The following CCDC187 variants were observed in gnomAD, a reference collection of about 807,000 sequenced individuals.
CCDC187 encodes coiled-coil domain containing 187.
Under a neutral mutation model 38.0 loss-of-function variants are expected in CCDC187, and 32 were observed. The ratio of observed to expected loss-of-function variants is 0.84; its 90% CI spans 0.64 to 1.13. The LOEUF (loss-of-function observed/expected upper bound fraction) is 1.13, where lower values mean the gene tolerates loss of function less well. Among genes scored for constraint, CCDC187 ranks in the 50% most tolerant of loss-of-function variants. The probability of loss-of-function intolerance (pLI) is 0.00; values close to 1 mark genes in which losing one functional copy is unlikely to be tolerated. For synonymous variants in CCDC187, 333 were observed against 347.9 expected (o/e 0.96, Z 0.48); for missense variants, 707 against 786.8 (o/e 0.90, Z 1.21).
intron 3 of CCDC187, among the ~76,000 whole-genome samples, chr9:136,298,362 C>T (rs1249258714): frequency 4.6e-5 from 7 of 152,140 alleles, no homozygotes; most frequent in African/African-American, 1.4e-4. Flanking sequence ...ACCCCTCTGC[C>T]GATGGGGAGG....
In CCDC187 at chr9:136,254,709, G is replaced by A. The variant is rs1265462774; in HGVS notation, c.5119C>T (p.Pro1707Ser). The A allele has an allele frequency of 1.0e-6, 1 of 985,440 alleles. No homozygotes were observed. Among genetic ancestry groups the A allele is most frequent in the Non-Finnish European group, 1.2e-6 (1 of 830,006 alleles). 61.0% of individuals were successfully genotyped at this position (985,440 alleles called of 1,614,324 possible). ...AGGGGGCCGGCCCTGCGGCCCTGGG[G>A]CCTCTGCCAGGTCACCCATCCTCCA... ...GGGGWVTWQR[P>S]QGRRAGPLRG... Residue 1707 changes from proline (P) to serine (S), a missense_variant, in exon 26 of 26, where the codon CCC becomes TCC. Transcript: ENST00000638797.
At chr9:136,278,557 G>A (rs1830977068) in intron 10 of CCDC187, among the ~76,000 whole-genome samples, 1 of 152,236 alleles carries the variant, frequency 6.6e-6, no homozygotes, top group Admixed American at 6.5e-5. Context: ...CCTGGTAGCT[G>A]TGAGGATGCA....
Position 136,297,822 on chromosome 9 carries a change from C to CT in CCDC187, c.725-2dup, listed in dbSNP as rs1831573166. ...ACCCTTTTGGGTTTTTCCCTCAGAA[C>CT]TTCAGTGAGGAAGAGAAAGGAAGGG... On this transcript the variant is annotated splice_acceptor_variant, in intron 3 of 25. Coordinates refer to ENST00000638797, the MANE Select transcript of CCDC187 (RefSeq NM_001378188.1). LOFTEE classifies it high-confidence loss of function. 3.0e-6 allele frequency: 1 copy of CT among 338,904 alleles called. No individual in the cohort carries two copies. Among genetic ancestry groups the CT allele is most frequent in the Non-Finnish European group, 5.3e-6 (1 of 188,000 alleles). The allele number at this position is 338,904 out of a possible 1,614,324, so 21.0% of individuals were successfully genotyped here. A position where few individuals can be genotyped will look rare whatever the true frequency, so the allele number is the denominator to read the frequency against.
chr9:136,301,977 C>T (rs1319450694), intron 2 of CCDC187, among the ~76,000 whole-genome samples: 3 of 151,804 alleles, frequency 2.0e-5, no homozygotes, highest in African/African-American at 4.8e-5. Flanking sequence ...TTTGGGAGGC[C>T]GAGGTGGGCG....
rs1473673219 is a variant in CCDC187 at position 136,258,058 on chromosome 9, C to T, written c.4366+874G>A. 4.6e-5 allele frequency among the ~76,000 whole-genome samples: 7 copies of T among 152,104 alleles called. No homozygotes were observed. Among genetic ancestry groups the T allele is most frequent in the Admixed American group, 3.3e-4 (5 of 15,274 alleles). On this transcript the variant is annotated intron_variant, in intron 22 of 25. Coordinates refer to ENST00000638797, the MANE Select transcript of CCDC187 (RefSeq NM_001378188.1). This position sits in a 1 kb window ranked among gnomAD's most constrained non-coding sequence, Gnocchi z 4.3. Reference sequence around the variant, plus strand: ...ACAGCTGGTACACGTGGCCATGCGGCGAGGGAGGCTTCAGGCTGAGCAAGC... The same window carrying T: ...ACAGCTGGTACACGTGGCCATGCGGTGAGGGAGGCTTCAGGCTGAGCAAGC...
chr9:136,289,906 G>C lies in CCDC187; in HGVS notation c.2222+53C>G, dbSNP rs940211044. ...CAGAACGCACCCAGAACTGTTCTTGGCCCCCCCCAAGGCCCCGCCCGGCAT... is the reference window on the plus strand; with the variant it reads ...CAGAACGCACCCAGAACTGTTCTTGCCCCCCCCCAAGGCCCCGCCCGGCAT... On this transcript the variant is annotated intron_variant, in intron 7 of 25. Coordinates refer to ENST00000638797, the MANE Select transcript of CCDC187 (RefSeq NM_001378188.1). 978 of 353,832 alleles carry C rather than the reference G, an allele frequency of 2.8e-3. 13 individuals are homozygous for C. The South Asian group carries it at 0.028, about 10-fold the overall frequency. 21.9% of individuals were successfully genotyped at this position (353,832 alleles called of 1,614,324 possible). A position where few individuals can be genotyped will look rare whatever the true frequency, so the allele number is the denominator to read the frequency against.
intron 1 of CCDC187, 41 bp from the exon 2 acceptor site, chr9:136,303,334 G>T (rs1002460802): frequency 1.0e-5 from 4 of 396,116 alleles, no homozygotes; most frequent in Non-Finnish European, 8.9e-6. Flanking sequence ...ACATGCAGGC[G>T]CAGAGGTGCC....
In CCDC187 at chr9:136,300,264, C is replaced by T. The variant is rs1328046054; in HGVS notation, c.680G>A (p.Gly227Asp). The T allele has an allele frequency of 1.5e-5, 6 of 398,540 alleles. No homozygotes were observed. The highest frequency in any genetic ancestry group is 2.7e-5 in the Non-Finnish European group (6 of 226,072). 24.7% of individuals were successfully genotyped at this position (398,540 alleles called of 1,614,324 possible). Residue 227 changes from glycine (G) to aspartate (D), a missense_variant, in exon 3 of 26, where the codon GGC (glycine) becomes GAC (aspartate). Coordinates refer to ENST00000638797, the MANE Select transcript of CCDC187 (RefSeq NM_001378188.1). ...GACCCTGGAGAGCTCGCGCCCCTGG[C>T]CGTGGGATGCCTTGGCTTCAACTCT... Reference protein sequence around the residue: ...ERRVEAKASHGQGRELSRVSQ... With the variant: ...ERRVEAKASHDQGRELSRVSQ...
intron 9 of CCDC187, among the ~76,000 whole-genome samples, chr9:136,284,256 T>C (rs1831118205): frequency 6.6e-6 from 1 of 152,148 alleles, no homozygotes; most frequent in Admixed American, 6.5e-5. Context: ...ACACGTGGTG[T>C]CTGCCCTCAT....
chr9:136,277,207 G>A (rs940713275), intron 10 of CCDC187, among the ~76,000 whole-genome samples: 26 of 150,084 alleles, frequency 1.7e-4, no homozygotes, highest in Non-Finnish European at 2.7e-4. Context: ...CCTTGTGTGA[G>A]GGTCCAAGGA....
chr9:136,279,887 T>C (rs1831005491), intron 10 of CCDC187, among the ~76,000 whole-genome samples: 1 of 152,192 alleles, frequency 6.6e-6, no homozygotes, highest in Non-Finnish European at 1.5e-5. Flanking sequence ...GCAGGTTCAC[T>C]ATAAAAGGAA....
intron 12 of CCDC187, among the ~76,000 whole-genome samples, chr9:136,275,596 C>G (rs898839744): frequency 4.6e-5 from 7 of 152,186 alleles, no homozygotes; most frequent in African/African-American, 1.7e-4. Context: ...GAAGAAAGGT[C>G]CACCTCCCAG....
chr9:136,270,471 A>G (rs1830822131), intron 14 of CCDC187, among the ~76,000 whole-genome samples: 2 of 152,194 alleles, frequency 1.3e-5, no homozygotes, highest in African/African-American at 4.8e-5. Flanking sequence ...TCTTCTGTGT[A>G]CTATAAGAAA....
In CCDC187 at chr9:136,254,462, C is replaced by T. The variant is rs1428443618; in HGVS notation, c.5366G>A (p.Gly1789Asp). ...PASGSSLPAG[G>D]SLGLGSGVEP... is the part of the protein sequence containing the mutation. ...CACGCCGCTTCCAAGGCCCAGTGAG[C>T]CACCTGCAGGCAGGGAGCTCCCCGA... The change falls in exon 26 of 26, where the codon GGC (glycine) becomes GAC (aspartate). Residue 1789 changes from glycine to aspartate, a missense_variant. Transcript: ENST00000638797. 13 of 985,342 alleles carry T rather than the reference C, an allele frequency of 1.3e-5. No homozygotes were observed. The South Asian group carries it at 5.6e-4, about 43-fold the overall frequency. 61.0% of individuals were successfully genotyped at this position (985,342 alleles called of 1,614,324 possible).
Position 136,257,134 on chromosome 9 carries a change from G to A in CCDC187, c.4367-293C>T, listed in dbSNP as rs1830622372. On this transcript the variant is annotated intron_variant, in intron 22 of 25. Transcript: ENST00000638797. This position sits in a 1 kb window ranked among gnomAD's most constrained non-coding sequence, Gnocchi z 4.5. Reference sequence around the variant, plus strand: ...TCACGCCTATAATCCCAGCACTCTGGGAGGCCGAGGCGGGCGGATCACAAG... The same window carrying A: ...TCACGCCTATAATCCCAGCACTCTGAGAGGCCGAGGCGGGCGGATCACAAG... Among the ~76,000 whole-genome samples the A allele has an allele frequency of 6.6e-6, 1 of 152,220 alleles. No homozygotes were observed. The highest frequency in any genetic ancestry group is 6.5e-5 in the Admixed American group (1 of 15,276).
Position 136,254,414 on chromosome 9 carries a change from G to A in CCDC187, c.5414C>T (p.Ser1805Phe), listed in dbSNP as rs1452988801. Reference sequence around the variant, plus strand: ...TTCCCGCCCCTCCCCGGACCGTGGGGAGGGAGGAGCCACCTGGGGCTCCAC... The same window carrying A: ...TTCCCGCCCCTCCCCGGACCGTGGGAAGGGAGGAGCCACCTGGGGCTCCAC... The part of the protein sequence containing the change: ...SGVEPQVAPP[S>F]PRSGEGREAS... Residue 1805 changes from serine to phenylalanine, a missense_variant, in exon 26 of 26, where the codon TCC becomes TTC. Ser to Phe is a radical substitution (Grantham distance 155). Coordinates refer to ENST00000638797, the MANE Select transcript of CCDC187 (RefSeq NM_001378188.1). The A allele has an allele frequency of 1.0e-6, 1 of 984,930 alleles. No homozygotes were observed. The highest frequency in any genetic ancestry group is 1.2e-6 in the Non-Finnish European group (1 of 829,634). The allele number at this position is 984,930 out of a possible 1,614,324, so 61.0% of individuals were successfully genotyped here.
chr9:136,262,156 C>A (rs1311538721), intron 19 of CCDC187, among the ~76,000 whole-genome samples, 155 bp downstream of exon 19: 4 of 152,270 alleles, frequency 2.6e-5, no homozygotes, highest in Non-Finnish European at 5.9e-5. Context: ...CAGAACAGCC[C>A]CCAGCCACCC....
intron 24 of CCDC187, 87 bp downstream of exon 24, chr9:136,256,123 TC>T (rs1169085715): frequency 2.4e-5 from 16 of 658,978 alleles, no homozygotes; most frequent in Non-Finnish European, 2.6e-5. Flanking sequence ...AGAGTGAGGG[TC>T]CCCACAGCAG....
chr9:136,289,520 A>C (rs1789166492), intron 7 of CCDC187, among the ~76,000 whole-genome samples: 1 of 21,618 alleles, frequency 4.6e-5, no homozygotes, highest in Non-Finnish European at 1.3e-4. Flanking sequence ...CTCCATCTCA[A>C]AAAAAAAAAA....
Sources: gnomAD v4.1 joint callset for allele counts (sites outside exome capture counted in the v4.1 genomes callset) on GRCh38, gnomAD v4.1.1 for gene constraint, Gnocchi (gnomAD v3.1) non-coding constraint, MANE v1.5 for transcripts, NCBI Gene and HGNC (gene_info 2026-07-23, HGNC 2026-07-21) for gene names.